RMND1: variants seen among roughly 807,000 people sequenced by gnomAD.
RMND1 encodes the protein required for meiotic nuclear division protein 1 homolog.
A neutral mutation model predicts 54.0 loss-of-function variants in RMND1; 41 were observed. The ratio of observed to expected loss-of-function variants is 0.76; its 90% confidence interval spans 0.59 to 0.98. RMND1 has a LOEUF of 0.98. Ranked by LOEUF, RMND1 falls within the 50% of genes least tolerant of loss-of-function variation. The pLI is 0.00. For missense variants in RMND1, 457 were observed against 532.0 expected (o/e 0.86, Z 1.39); for synonymous variants, 183 against 181.7 (o/e 1.01, Z -0.06).
At chr6:151,405,859 A>C (rs770952940) in intron 10 of RMND1, 23 bp from the exon 11 acceptor site, 1 of 1,250,954 alleles carries the variant, frequency 8.0e-7, no homozygotes, top group Non-Finnish European at 1.2e-6. Context: ...AATTTCAGTA[A>C]CATGTATTTA....
chr6:151,405,339 T>C, intron 11 of RMND1, 72 bp from the exon 12 acceptor site: 1 of 1,372,852 alleles, frequency 7.3e-7, no homozygotes. Context: ...CTTCCAAGAT[T>C]GTGATTAATG....
At chr6:151,447,855 T>G (rs1781004515) in intron 1 of RMND1, among the ~76,000 whole-genome samples, 1 of 140,512 alleles carries the variant, frequency 7.1e-6, no homozygotes, top group African/African-American at 2.7e-5. Context: ...GCTCTGTCAC[T>G]CAGGCTGGAG....
chr6:151,409,078 CAT>C (rs1779720717), intron 10 of RMND1, among the ~76,000 whole-genome samples: 2 of 152,160 alleles, frequency 1.3e-5, no homozygotes, highest in African/African-American at 4.8e-5. Context: ...GTGAAATAGA[CAT>C]GTGTCTGTCT....
chr6:151,429,131 T>G (rs925529093), intron 5 of RMND1, among the ~76,000 whole-genome samples: 6 of 152,052 alleles, frequency 3.9e-5, no homozygotes, highest in Non-Finnish European at 5.9e-5. Context: ...CGCTTTTTTT[T>G]TTTTTTGAAG....
intron 6 of RMND1, among the ~76,000 whole-genome samples, chr6:151,425,859 T>A (rs1780281001): frequency 6.6e-6 from 1 of 152,132 alleles, no homozygotes; most frequent in South Asian, 2.1e-4. Flanking sequence ...TGGTGAGCGC[T>A]GATTACTCAG....
chr6:151,450,295 GCCGCCCCA>G (rs1309039164), intron 1 of RMND1, among the ~76,000 whole-genome samples: 88 of 151,508 alleles, frequency 5.8e-4, no homozygotes, highest in Non-Finnish European at 1.1e-3. Flanking sequence ...CCTCTGCCCG[GCCGCCCCA>G]TCTGAGAAGT....
At chr6:151,410,896 T>C (rs1249386915) in intron 10 of RMND1, among the ~76,000 whole-genome samples, 1 of 152,226 alleles carries the variant, frequency 6.6e-6, no homozygotes, top group East Asian at 1.9e-4. Flanking sequence ...GTCTTCTACA[T>C]ACAAGATCAT....
chr6:151,428,879 A>C (rs1269136665), intron 5 of RMND1, among the ~76,000 whole-genome samples: 1 of 152,140 alleles, frequency 6.6e-6, no homozygotes, highest in East Asian at 1.9e-4. Flanking sequence ...AGTTTTTCCA[A>C]ATGTAGAATC....
chr6:151,441,587 G>A (rs1049470480), intron 2 of RMND1, among the ~76,000 whole-genome samples: 1 of 152,226 alleles, frequency 6.6e-6, no homozygotes, highest in Admixed American at 6.5e-5. Context: ...GAGAGGGGCT[G>A]GAGATTGAGT....
intron 1 of RMND1, among the ~76,000 whole-genome samples, chr6:151,450,012 C>A (rs1363718840): frequency 6.6e-6 from 1 of 152,222 alleles, no homozygotes. Flanking sequence ...CCTCCACCTC[C>A]CAGCCGCCTG....
At chr6:151,433,302 C>T in intron 3 of RMND1, 72 bp from the exon 4 acceptor site, 1 of 922,258 alleles carries the variant, frequency 1.1e-6, no homozygotes, top group Non-Finnish European at 1.7e-6. Context: ...CCTATAAACA[C>T]TGTAATAAAG....
intron 10 of RMND1, among the ~76,000 whole-genome samples, chr6:151,407,216 T>C (rs1241372877): frequency 1.3e-5 from 2 of 152,186 alleles, no homozygotes; most frequent in African/African-American, 4.8e-5. Flanking sequence ...ACTCCACCAT[T>C]TGCCCCTATT....
intron 10 of RMND1, 133 bp from the exon 11 acceptor site, chr6:151,405,969 G>C: frequency 2.0e-6 from 1 of 501,046 alleles, no homozygotes; most frequent in Non-Finnish European, 3.5e-6. Flanking sequence ...AACATTATCA[G>C]TTTCTTGTGA....
rs375984197 is a variant in RMND1, at chr6:151,408,785, A to G, written c.1201-2949T>C. On this transcript the variant is annotated intron_variant, in intron 10 of 11. Coordinates refer to ENST00000444024, the MANE Select transcript of RMND1 (RefSeq NM_017909.4). ...CCTTTGCTAGATGGAGGAGGGGGCC[A>G]TGAGCAAGGAATATGGGTGGCCTCC... The G allele has an allele frequency of 9.2e-5, 14 of 152,336 alleles. No individual in the cohort carries two copies. In the East Asian group the frequency reaches 2.5e-3, roughly 27 times the overall value. The allele number at this position is 152,336 out of a possible 1,614,324, so 9.4% of individuals were successfully genotyped here.
chr6:151,408,309 T>C (rs999599184), intron 10 of RMND1, among the ~76,000 whole-genome samples: 2 of 152,088 alleles, frequency 1.3e-5, no homozygotes, highest in Non-Finnish European at 2.9e-5. Context: ...ATGGCCAACA[T>C]AGCGAAACCC....
intron 2 of RMND1, chr6:151,436,834 T>A (rs1345438247): frequency 3.7e-6 from 1 of 269,642 alleles, no homozygotes; most frequent in Admixed American, 4.7e-5. Context: ...TGGTAGTATC[T>A]CAAGCACAGA....
intron 1 of RMND1, among the ~76,000 whole-genome samples, chr6:151,450,344 T>C (rs1781111097): frequency 7.0e-6 from 1 of 143,806 alleles, no homozygotes; most frequent in Admixed American, 6.8e-5. Context: ...AGCCACCCCA[T>C]CCGGGAGGGA....
At chr6:151,432,260 A>T (rs6936936) in intron 4 of RMND1, among the ~76,000 whole-genome samples, 1 of 152,014 alleles carries the variant, frequency 6.6e-6, no homozygotes, top group Non-Finnish European at 1.5e-5. Context: ...TATTTCTGCT[A>T]GACAGTGCTG....
chr6:151,449,994 C>G (rs577144195), intron 1 of RMND1, among the ~76,000 whole-genome samples: 2 of 152,190 alleles, frequency 1.3e-5, no homozygotes, highest in African/African-American at 4.8e-5. Flanking sequence ...GATCGAGGCT[C>G]GCTACAACCT....
Sources: gnomAD v4.1 joint callset for allele counts (sites outside exome capture counted in the v4.1 genomes callset) on GRCh38, gnomAD v4.1.1 for gene constraint, MANE v1.5 for transcripts, NCBI Gene and HGNC (gene_info 2026-07-23, HGNC 2026-07-21) for gene names.